The following PROCA1 variants were observed in gnomAD, a reference collection of about 807,000 sequenced individuals.
PROCA1 encodes protein interacting with cyclin A1, also known as protein PROCA1.
In PROCA1, 22 loss-of-function variants were observed where a neutral mutation model predicts 23.2. The observed-to-expected ratio is 0.95, with a 90% CI of 0.68 to 1.35. PROCA1 has a LOEUF of 1.35. Among genes scored for constraint, PROCA1 ranks in the 40% most tolerant of loss-of-function variants. The pLI is 0.00. For synonymous variants in PROCA1, 182 were observed against 179.2 expected (o/e 1.02, Z -0.12); for missense variants, 469 against 459.8 (o/e 1.02, Z -0.18).
Position 28,704,599 on chromosome 17 carries a change from G to GT in PROCA1, c.311+108_311+109insA, listed in dbSNP as rs530268752. 329 of 1,568,448 alleles carry GT rather than the reference G, an allele frequency of 2.1e-4. 1 individual carries two copies. The South Asian group carries it at 3.8e-3, about 18-fold the overall frequency. ...AGGTGTGCAGAGCTGGGACTGGGCT[G>GT]GCAGCACCAATTCAAAGCTGAAGAG... On this transcript the variant is annotated intron_variant, in intron 3 of 4. Coordinates refer to ENST00000682792, the MANE Select transcript of PROCA1 (RefSeq NM_001366301.1).
intron 1 of PROCA1, among the ~76,000 whole-genome samples, chr17:28,708,766 G>A (rs1446834579): frequency 5.3e-5 from 8 of 149,544 alleles, no homozygotes; most frequent in Non-Finnish European, 1.2e-4. Flanking sequence ...GGGAGTCTGA[G>A]GCGGGAAGAT....
At chr17:28,710,932 C>T in intron 1 of PROCA1, 2 of 1,271,190 alleles carry the variant, frequency 1.6e-6, no homozygotes, top group Non-Finnish European at 2.1e-6. Flanking sequence ...TCTCCTCGAC[C>T]TCGAGGCACT....
chr17:28,710,329 T>C (rs1014597343), intron 1 of PROCA1, among the ~76,000 whole-genome samples: 1 of 151,198 alleles, frequency 6.6e-6, no homozygotes, highest in Admixed American at 6.6e-5. Context: ...AAACCCCGTC[T>C]CTACTAAAAA....
rs2032255226 is a variant in PROCA1, at chr17:28,703,742, T to G, written c.911A>C (p.Glu304Ala). 6.2e-7 allele frequency: 1 copy of G among 1,614,148 alleles called. No individual in the cohort carries two copies. The highest frequency in any genetic ancestry group is 2.2e-5 in the East Asian group (1 of 44,880). ...CCGGCCATTGTAACTGTCCTCGCTCTCCAGCTCTTCCCGGCTTTCTGGGCT... is the reference window on the plus strand; with the variant it reads ...CCGGCCATTGTAACTGTCCTCGCTCGCCAGCTCTTCCCGGCTTTCTGGGCT... ...ESSPESREEL[E>A]SEDSYNGRGQ... Residue 304 changes from glutamate to alanine, a missense_variant, in exon 5 of 5, where the codon GAG becomes GCG. Coordinates refer to ENST00000682792, the MANE Select transcript of PROCA1 (RefSeq NM_001366301.1).
intron 1 of PROCA1, among the ~76,000 whole-genome samples, chr17:28,708,454 C>A (rs1289259517): frequency 6.6e-6 from 1 of 152,120 alleles, no homozygotes; most frequent in African/African-American, 2.4e-5. Flanking sequence ...TGTTGTATGC[C>A]TTAAATTGGT....
intron 1 of PROCA1, among the ~76,000 whole-genome samples, chr17:28,707,616 G>A (rs1046433936): frequency 2.0e-5 from 3 of 152,092 alleles, no homozygotes; most frequent in African/African-American, 7.2e-5. Flanking sequence ...CATGCCCAAA[G>A]CATCTATATT....
rs1186571637 is a variant in PROCA1, at chr17:28,711,651, T to C, written c.10A>G (p.Arg4Gly). 13 of 1,612,560 alleles carry C rather than the reference T, an allele frequency of 8.1e-6. No homozygotes were observed. The highest frequency in any genetic ancestry group is 1.1e-5 in the Non-Finnish European group (13 of 1,179,478). Reference sequence around the variant, plus strand: ...CATCTTTCAATTGTGAGCGTCGTCCTGACCCACATCGCTCTCCGCCCAGGT... The same window carrying C: ...CATCTTTCAATTGTGAGCGTCGTCCCGACCCACATCGCTCTCCGCCCAGGT... MWV[R>G]TTLTIERWTK... Residue 4 changes from arginine to glycine, a missense_variant, in exon 1 of 5, where the codon AGG (arginine) becomes GGG (glycine). Transcript: ENST00000682792.
chr17:28,708,864 G>C (rs1477026287), intron 1 of PROCA1, among the ~76,000 whole-genome samples: 2 of 152,006 alleles, frequency 1.3e-5, no homozygotes, highest in East Asian at 3.9e-4. Flanking sequence ...GCTTAGTGGT[G>C]CACACCTGTA....
intron 1 of PROCA1, among the ~76,000 whole-genome samples, chr17:28,710,316 G>A (rs1250817852): frequency 1.3e-5 from 2 of 151,796 alleles, no homozygotes; most frequent in Admixed American, 1.3e-4. Flanking sequence ...GACCAACATG[G>A]TGAAACCCCG....
chr17:28,710,828 G>A, intron 1 of PROCA1: 2 of 1,304,196 alleles, frequency 1.5e-6, no homozygotes, highest in Non-Finnish European at 2.0e-6. Context: ...GTCTTTCCCC[G>A]TGAGGCGTTA....
chr17:28,711,544 C>A (rs1356280159), intron 1 of PROCA1, 26 bp downstream of exon 1: 1 of 1,593,730 alleles, frequency 6.3e-7, no homozygotes, highest in South Asian at 1.1e-5. Context: ...GCGCCCTCTG[C>A]CCAGCCCCTG....
chr17:28,708,981 G>A (rs1597739395), intron 1 of PROCA1, among the ~76,000 whole-genome samples: 2 of 152,186 alleles, frequency 1.3e-5, no homozygotes, highest in African/African-American at 4.8e-5. Context: ...GGGCAACAGA[G>A]TGAGACCCTG....
intron 1 of PROCA1, among the ~76,000 whole-genome samples, chr17:28,710,607 T>C (rs914707954): frequency 6.6e-6 from 1 of 151,752 alleles, no homozygotes; most frequent in Non-Finnish European, 1.5e-5. Context: ...CAGCTCTGTT[T>C]GTGAAGGAGA....
In PROCA1 at chr17:28,707,064, A is replaced by T. The variant is rs2032546776; in HGVS notation, c.92-301T>A. ...CCACCTACCAGGACTGGAAAGGAGG[A>T]CTGGGGACTATGGAAGACTTCTTGG... On this transcript the variant is annotated intron_variant, in intron 1 of 4. Coordinates refer to ENST00000682792, the MANE Select transcript of PROCA1 (RefSeq NM_001366301.1). 3 of 326,674 alleles carry T rather than the reference A, an allele frequency of 9.2e-6. No individual in the cohort carries two copies. In the Admixed American group the frequency reaches 1.2e-4, roughly 13 times the overall value. The allele number at this position is 326,674 out of a possible 1,614,324, so 20.2% of individuals were successfully genotyped here.
chr17:28,707,609 G>C (rs949403409), intron 1 of PROCA1, among the ~76,000 whole-genome samples: 18 of 152,066 alleles, frequency 1.2e-4, no homozygotes, highest in African/African-American at 4.3e-4. Flanking sequence ...CCTTTCTCAT[G>C]CCCAAAGCAT....
At chr17:28,705,773 G>A (rs1248130827) in intron 2 of PROCA1, 4 of 152,370 alleles carry the variant, frequency 2.6e-5, no homozygotes, top group East Asian at 1.9e-4. Context: ...CCCATGAGGC[G>A]ACTCTGCGCC....
chr17:28,711,075 T>A, intron 1 of PROCA1: 5 of 1,182,168 alleles, frequency 4.2e-6, no homozygotes, highest in Non-Finnish European at 5.3e-6. Flanking sequence ...TGCGCCCGCG[T>A]CTCCTTGGAA....
At chr17:28,706,492 G>T (rs569216342) in intron 2 of PROCA1, 188 bp downstream of exon 2, 21 of 328,500 alleles carry the variant, frequency 6.4e-5, no homozygotes, top group Non-Finnish European at 1.1e-4. Context: ...CTATATAAAC[G>T]AATGGGGTGA....
intron 1 of PROCA1, 109 bp downstream of exon 1, chr17:28,711,461 C>T: frequency 2.2e-6 from 2 of 912,602 alleles, no homozygotes; most frequent in Non-Finnish European, 3.2e-6. Flanking sequence ...CCGCCTCTCT[C>T]GTTGGTTTGC....
Sources: gnomAD v4.1 joint callset for allele counts (sites outside exome capture counted in the v4.1 genomes callset) on GRCh38, gnomAD v4.1.1 for gene constraint, MANE v1.5 for transcripts, NCBI Gene and HGNC (gene_info 2026-07-23, HGNC 2026-07-21) for gene names.